TRIP11: variants seen among roughly 807,000 people sequenced by gnomAD.
TRIP11 encodes thyroid receptor-interacting protein 11.
TRIP11 carries 148 observed loss-of-function variants against 223.1 expected under a neutral mutation model. The observed-to-expected ratio is 0.66, with a 90% CI of 0.58 to 0.76. The LOEUF is 0.76. Ranked by LOEUF, TRIP11 falls within the 30% of genes least tolerant of loss-of-function variation. The pLI is 0.00. For synonymous variants in TRIP11, 762 were observed against 772.6 expected (o/e 0.99, Z 0.23); for missense variants, 2,043 against 2,222.0 (o/e 0.92, Z 1.62).
chr14:92,024,937 T>C (rs1277150357), intron 3 of TRIP11, among the ~76,000 whole-genome samples: 2 of 152,194 alleles, frequency 1.3e-5, no homozygotes, highest in Admixed American at 1.3e-4. Flanking sequence ...ATGTAAATTA[T>C]CATATATTTA....
At chr14:92,026,534 T>A (rs2057189492) in intron 2 of TRIP11, 2 of 1,205,328 alleles carry the variant, frequency 1.7e-6, no homozygotes, top group Non-Finnish European at 2.4e-6. Context: ...TTCTTTTTAA[T>A]CCCCTGCATC....
Position 92,006,525 on chromosome 14 carries a change from T to C in TRIP11, c.1528-77A>G, listed in dbSNP as rs2056905338. The C allele has an allele frequency of 1.5e-5, 21 of 1,432,938 alleles. No homozygotes were observed. The South Asian group carries it at 2.4e-4, about 17-fold the overall frequency. The allele number at this position is 1,432,938 out of a possible 1,614,324, so 88.8% of individuals were successfully genotyped here. The stretch of plus-strand genomic sequence containing the variant: ...TCAAAGAAAATTTTATAAAATCTCA[T>C]ACATAATAGAAAATAATCCTCAAAT... On this transcript the variant is annotated intron_variant, in intron 10 of 20. Transcript: ENST00000267622.
At position 92,005,710 on chromosome 14, in the gene TRIP11, C is replaced by T; in HGVS notation, c.2266G>A (p.Ala756Thr). The change falls in exon 11 of 21, where the codon GCC (alanine) becomes ACC (threonine). Residue 756 changes from alanine (A) to threonine (T), a missense_variant. Transcript: ENST00000267622. ...LSNARNLNTS[A>T]LQLEHEHLIK... ...AAATGCTCATGTTCCAGCTGTAAGG[C>T]AGAGGTATTCAAATTACGTGCATTT... The T allele has an allele frequency of 6.2e-7, 1 of 1,613,900 alleles. No homozygotes were observed. The highest frequency in any genetic ancestry group is 8.5e-7 in the Non-Finnish European group (1 of 1,180,002).
At chr14:91,999,941 C>T in intron 12 of TRIP11, 27 bp downstream of exon 12, 1 of 1,612,966 alleles carries the variant, frequency 6.2e-7, no homozygotes, top group Non-Finnish European at 8.5e-7. Context: ...TTGTTTGATT[C>T]ATAATTCTTT....
intron 2 of TRIP11, among the ~76,000 whole-genome samples, chr14:92,027,721 C>G (rs2057207903): frequency 1.3e-5 from 2 of 152,184 alleles, no homozygotes; most frequent in South Asian, 4.1e-4. Context: ...AAAAAGAAGA[C>G]TGATAGTGAG....
intron 2 of TRIP11, among the ~76,000 whole-genome samples, chr14:92,029,926 G>A (rs987790128): frequency 6.7e-6 from 1 of 150,112 alleles, no homozygotes; most frequent in Non-Finnish European, 1.5e-5. Context: ...GGCCGGGCGC[G>A]GTGGCTCACG....
chr14:91,992,753 C>CA (rs1176954104), intron 15 of TRIP11, among the ~76,000 whole-genome samples: 3 of 151,236 alleles, frequency 2.0e-5, no homozygotes, highest in Admixed American at 2.0e-4. Context: ...ACTAAAAATA[C>CA]AAAAAATTAG....
intron 15 of TRIP11, among the ~76,000 whole-genome samples, chr14:91,992,908 CAAAAAA>C (rs550702989): frequency 6.8e-5 from 2 of 29,232 alleles, no homozygotes; most frequent in African/African-American, 9.6e-5. Context: ...GACTCCGTCT[CAAAAAA>C]AAAAAAAAAA....
intron 5 of TRIP11, among the ~76,000 whole-genome samples, chr14:92,017,174 C>T (rs961163495): frequency 6.6e-6 from 1 of 151,802 alleles, no homozygotes; most frequent in Admixed American, 6.6e-5. Context: ...AATAAATGTT[C>T]AAAACCAAAT....
intron 2 of TRIP11, among the ~76,000 whole-genome samples, chr14:92,029,432 A>G (rs1199546079): frequency 6.6e-6 from 1 of 151,608 alleles, no homozygotes; most frequent in Non-Finnish European, 1.5e-5. Flanking sequence ...AATAGCTGGG[A>G]TTACAGGCAC....
intron 17 of TRIP11, 92 bp from the exon 18 acceptor site, chr14:91,975,378 TTAAA>T (rs1197274986): frequency 1.4e-6 from 1 of 718,748 alleles, no homozygotes; most frequent in Non-Finnish European, 2.2e-6. Flanking sequence ...TATTAAACAA[TTAAA>T]TATTTACTTA....
rs2056499451 is a variant in TRIP11 at position 91,978,809 on chromosome 14, C to T, written c.5261-2620G>A. ...CCACTGTGCCTGTCCCTATATAAAA[C>T]ATATTATCAAACAATTTCACCTATA... On this transcript the variant is annotated intron_variant, in intron 16 of 20. Transcript: ENST00000267622. This position sits in a 1 kb window ranked among gnomAD's most constrained non-coding sequence, Gnocchi z 4.4. Among the ~76,000 whole-genome samples, 4 of 152,132 alleles carry T rather than the reference C, an allele frequency of 2.6e-5. No individual in the cohort carries two copies. Among genetic ancestry groups the T allele is most frequent in the Admixed American group, 2.6e-4 (4 of 15,268 alleles).
intron 15 of TRIP11, 26 bp from the exon 16 acceptor site, chr14:91,988,409 A>G (rs1182386549): frequency 6.3e-7 from 1 of 1,591,744 alleles, no homozygotes; most frequent in African/African-American, 1.3e-5. Flanking sequence ...TTATTAAAAA[A>G]AAGTATGCAA....
chr14:92,026,990 G>GGCCC, intron 2 of TRIP11: 1 of 800,008 alleles, frequency 1.2e-6, no homozygotes, highest in Non-Finnish European at 2.1e-6. Context: ...CAAGTAGAGA[G>GGCCC]GCCCGCCCGC....
At chr14:91,985,176 G>C (rs1254074681) in intron 16 of TRIP11, among the ~76,000 whole-genome samples, 1 of 152,048 alleles carries the variant, frequency 6.6e-6, no homozygotes, top group African/African-American at 2.4e-5. Flanking sequence ...CCTGTCTTAT[G>C]ATCACTGTTG....
rs541261317 is a variant in TRIP11 at position 92,037,509 on chromosome 14, C to T, written c.139+2038G>A. ...TGTAAGTGCCTGACAAAATCCCACA[C>T]GACAGAAGCTGTGCGTACAAGCAAG... On this transcript the variant is annotated intron_variant, in intron 1 of 20. Coordinates refer to ENST00000267622, the MANE Select transcript of TRIP11 (RefSeq NM_004239.4). The surrounding 1 kb of genome is among the most constrained non-coding windows in gnomAD (Gnocchi z 4.2). Among the ~76,000 whole-genome samples, 3 of 152,324 alleles carry T rather than the reference C, an allele frequency of 2.0e-5. No individual in the cohort carries two copies. Among genetic ancestry groups the T allele is most frequent in the East Asian group, 1.9e-4 (1 of 5,186 alleles).
At chr14:92,021,864 TA>T in intron 3 of TRIP11, 33 bp from the exon 4 acceptor site, 1 of 1,605,906 alleles carries the variant, frequency 6.2e-7, no homozygotes, top group South Asian at 1.1e-5. Flanking sequence ...TTAGAGAAGG[TA>T]CTTTAAAACA....
In TRIP11 at chr14:92,000,006, TC is replaced by T. The variant is rs762826697; in HGVS notation, c.4659del (p.Lys1554AsnfsTer28). ...GCAGTATTTTCCATTTGTTTTTGTT[TC>T]AGGGCCAACATGACTTGGTCTCTCT... ...QQERDQVMLALKQKQMENTAL... is the reference protein window; with the variant it reads ...QQERDQVMLAXKQKQMENTAL... On this transcript the variant is annotated frameshift_variant, in exon 12 of 21. Transcript: ENST00000267622. LOFTEE classifies it high-confidence loss of function. 2 of 1,614,010 alleles carry T rather than the reference TC, an allele frequency of 1.2e-6. No individual in the cohort carries two copies. The highest frequency in any genetic ancestry group is 8.5e-7 in the Non-Finnish European group (1 of 1,179,960).
rs1189568147 is a variant in TRIP11 at position 91,969,371 on chromosome 14, C to T, written c.*302G>A. ...AATCACAAAAGGAAATAAAAAGCTG[C>T]CATATAGCTACTAGTATTTTTGTCT... is the stretch of plus-strand genomic sequence containing the variant. On this transcript the variant is annotated 3_prime_UTR_variant, in exon 21 of 21. Transcript: ENST00000267622. 2 of 399,026 alleles carry T rather than the reference C, an allele frequency of 5.0e-6. No homozygotes were observed. The highest frequency in any genetic ancestry group is 4.0e-5 in the African/African-American group (2 of 50,208). The allele number at this position is 399,026 out of a possible 1,614,324, so 24.7% of individuals were successfully genotyped here. A position where few individuals can be genotyped will look rare whatever the true frequency, so the allele number is the denominator to read the frequency against.
Sources: allele counts gnomAD v4.1 joint callset (sites outside exome capture counted in the v4.1 genomes callset), GRCh38; gene constraint gnomAD v4.1.1; non-coding constraint Gnocchi (gnomAD v3.1); transcripts MANE v1.5; gene names NCBI Gene and HGNC (gene_info 2026-07-23, HGNC 2026-07-21).